CATSPERB: variants seen among roughly 807,000 people sequenced by gnomAD.
The protein encoded by CATSPERB is catsper channel auxiliary subunit beta.
A neutral mutation model predicts 128.3 loss-of-function variants in CATSPERB; 93 were observed. That is an observed-to-expected ratio of 0.72 (90% CI 0.61 to 0.86). The LOEUF (loss-of-function observed/expected upper bound fraction) is 0.86. Ranked by LOEUF, CATSPERB falls within the 40% of genes least tolerant of loss-of-function variation. The pLI is 0.00. For missense variants in CATSPERB, 1,153 were observed against 1,329.5 expected, an observed-to-expected ratio of 0.87 and a Z score of 2.06; for synonymous variants, 381 against 448.8, an observed-to-expected ratio of 0.85 and a Z score of 1.91.
Position 91,659,848 on chromosome 14 carries a change from G to C in CATSPERB, c.1421C>G (p.Ser474Trp). ...TFVSQRGKVY[S>W]TKAGMGRYSA... ...AGCAAATTTCTTACCTGCCTTTGTC[G>C]AGTAAACCTTTCCACGTTGAGAAAC... Residue 474 changes from serine (S) to tryptophan (W), a missense_variant, in exon 15 of 27, where the codon TCG becomes TGG. Ser to Trp is a radical substitution (Grantham distance 177). Coordinates refer to ENST00000256343, the MANE Select transcript of CATSPERB (RefSeq NM_024764.4). The C allele has an allele frequency of 6.2e-7, 1 of 1,604,290 alleles. No homozygotes were observed. The highest frequency in any genetic ancestry group is 1.1e-5 in the South Asian group (1 of 88,844).
intron 7 of CATSPERB, among the ~76,000 whole-genome samples, chr14:91,695,954 T>G (rs891448525): frequency 6.6e-6 from 1 of 152,190 alleles, no homozygotes; most frequent in Admixed American, 6.5e-5. Flanking sequence ...TTCTGACCAA[T>G]TTAATACTAA....
chr14:91,591,643 C>T (rs1277870030), intron 23 of CATSPERB, among the ~76,000 whole-genome samples: 8 of 151,592 alleles, frequency 5.3e-5, no homozygotes, highest in South Asian at 2.1e-4. Flanking sequence ...GGTGTGTGTG[C>T]GTCTTTATAC....
chr14:91,601,495 T>C (rs975366453), intron 22 of CATSPERB, among the ~76,000 whole-genome samples: 1 of 152,150 alleles, frequency 6.6e-6, no homozygotes, highest in African/African-American at 2.4e-5. Flanking sequence ...AAATTTTGGT[T>C]GGTGTTTACA....
chr14:91,717,055 A>G (rs1895955825), intron 5 of CATSPERB, among the ~76,000 whole-genome samples: 1 of 152,236 alleles, frequency 6.6e-6, no homozygotes, highest in African/African-American at 2.4e-5. Flanking sequence ...CCCAACAAGA[A>G]CACTAGAGAG....
intron 17 of CATSPERB, among the ~76,000 whole-genome samples, chr14:91,630,235 G>C (rs1894250284): frequency 6.6e-6 from 1 of 152,000 alleles, no homozygotes; most frequent in Admixed American, 6.6e-5. Flanking sequence ...TACCTTACTG[G>C]CTGCTCCTTC....
chr14:91,715,476 C>T (rs1338067652), intron 5 of CATSPERB, among the ~76,000 whole-genome samples: 5 of 140,830 alleles, frequency 3.6e-5, no homozygotes, highest in South Asian at 2.3e-4. Flanking sequence ...CACTTGAACT[C>T]GGGAGGCGGA....
At chr14:91,611,895 T>G (rs1241834599) in intron 20 of CATSPERB, among the ~76,000 whole-genome samples, 1 of 152,208 alleles carries the variant, frequency 6.6e-6, no homozygotes, top group East Asian at 1.9e-4. Flanking sequence ...TTTAAAGACT[T>G]ATTAAATAAA....
intron 17 of CATSPERB, among the ~76,000 whole-genome samples, chr14:91,628,862 C>T (rs1223531275): frequency 2.6e-5 from 4 of 152,204 alleles, no homozygotes; most frequent in Non-Finnish European, 5.9e-5. Flanking sequence ...ATCCAAAACA[C>T]TGACAACCCA....
At chr14:91,609,711 T>G (rs1743156) in intron 21 of CATSPERB, among the ~76,000 whole-genome samples, 101,113 of 152,014 alleles carry the variant, frequency 0.67, 34,439 homozygotes, top group Admixed American at 0.76. Flanking sequence ...TTTATTAATT[T>G]TTTAGATATT....
At chr14:91,704,507 A>C (rs962578097) in intron 7 of CATSPERB, 45 bp downstream of exon 7, 1 of 1,552,100 alleles carries the variant, frequency 6.4e-7, no homozygotes. Flanking sequence ...ACTGTTACAA[A>C]ATATAAAAGG....
intron 5 of CATSPERB, among the ~76,000 whole-genome samples, chr14:91,711,654 T>A (rs1362797065): frequency 1.3e-5 from 2 of 152,200 alleles, no homozygotes; most frequent in Non-Finnish European, 2.9e-5. Flanking sequence ...AGCAGCCATA[T>A]CAATATCTGA....
chr14:91,684,944 G>A (rs1280115797), intron 10 of CATSPERB, among the ~76,000 whole-genome samples: 1 of 151,538 alleles, frequency 6.6e-6, no homozygotes, highest in Non-Finnish European at 1.5e-5. Context: ...TTGATTGATT[G>A]ATATGGGGTC....
At chr14:91,693,565 A>G (rs1329952693) in intron 7 of CATSPERB, 86 bp from the exon 8 acceptor site, 1 of 862,710 alleles carries the variant, frequency 1.2e-6, no homozygotes, top group African/African-American at 1.7e-5. Context: ...GTCCGTTCCA[A>G]CTCCCTCTCA....
chr14:91,581,841 G>A (rs1893211215), intron 26 of CATSPERB, among the ~76,000 whole-genome samples: 1 of 152,198 alleles, frequency 6.6e-6, no homozygotes, highest in South Asian at 2.1e-4. Context: ...GAAGCAGGAA[G>A]CCAGATCGTC....
chr14:91,632,816 A>AACACAC (rs112899550), intron 17 of CATSPERB, among the ~76,000 whole-genome samples: 29 of 150,152 alleles, frequency 1.9e-4, no homozygotes, highest in South Asian at 6.3e-4. Context: ...AGTCACTTAA[A>AACACAC]ACACACACAC....
intron 11 of CATSPERB, among the ~76,000 whole-genome samples, chr14:91,682,813 T>G (rs1895306651): frequency 6.6e-6 from 1 of 152,194 alleles, no homozygotes. Context: ...GGCTGCTGCC[T>G]TTAATAACAC....
At chr14:91,601,862 T>C (rs1893612636) in intron 22 of CATSPERB, among the ~76,000 whole-genome samples, 1 of 152,062 alleles carries the variant, frequency 6.6e-6, no homozygotes, top group African/African-American at 2.4e-5. Context: ...CTGAGTTCAT[T>C]TTGCATTTTT....
intron 4 of CATSPERB, among the ~76,000 whole-genome samples, chr14:91,720,289 G>T (rs1011800393): frequency 1.3e-5 from 2 of 151,572 alleles, no homozygotes; most frequent in Non-Finnish European, 2.9e-5. Flanking sequence ...CTGAAATAAA[G>T]TGAAGTCAAC....
intron 4 of CATSPERB, among the ~76,000 whole-genome samples, chr14:91,721,222 A>T (rs566236193): frequency 3.3e-5 from 5 of 152,354 alleles, no homozygotes; most frequent in African/African-American, 1.2e-4. Context: ...GAAAAAATAG[A>T]TACAGCCGAC....
Sources: gnomAD v4.1 joint callset for allele counts (sites outside exome capture counted in the v4.1 genomes callset) on GRCh38, gnomAD v4.1.1 for gene constraint, MANE v1.5 for transcripts, NCBI Gene and HGNC (gene_info 2026-07-23, HGNC 2026-07-21) for gene names.